The following SULF1 variants were observed in gnomAD, a reference collection of about 807,000 sequenced individuals.
The protein encoded by SULF1 is extracellular sulfatase Sulf-1.
A neutral mutation model predicts 110.5 loss-of-function variants in SULF1; 46 were observed. The observed-to-expected ratio is 0.42, with a 90% CI of 0.33 to 0.53. SULF1 has a LOEUF of 0.53. SULF1 is among the 20% of genes least tolerant of loss of function. SULF1 has a pLI of 0.12. For missense variants in SULF1, 941 were observed against 1,094.2 expected, an observed-to-expected ratio of 0.86 and a Z score of 1.98; for synonymous variants, 371 against 387.1, an observed-to-expected ratio of 0.96 and a Z score of 0.49.
chr8:69,553,587 G>A (rs955984999), intron 3 of SULF1, among the ~76,000 whole-genome samples: 2 of 152,294 alleles, frequency 1.3e-5, no homozygotes, highest in Admixed American at 1.3e-4. Context: ...ACCATAGCGA[G>A]CCAAGGGAAT....
At chr8:69,471,181 A>G (rs1478820657) in intron 1 of SULF1, among the ~76,000 whole-genome samples, 5 of 152,114 alleles carry the variant, frequency 3.3e-5, no homozygotes, top group Admixed American at 1.3e-4. Flanking sequence ...TTTATTTTTT[A>G]TTCTGCTCTA....
intron 6 of SULF1, among the ~76,000 whole-genome samples, chr8:69,584,096 T>A (rs1806276394): frequency 6.6e-6 from 1 of 152,194 alleles, no homozygotes; most frequent in Non-Finnish European, 1.5e-5. Flanking sequence ...TACACTTGAT[T>A]CTGCAGGCAA....
At chr8:69,597,530 G>C (rs908075977) in intron 8 of SULF1, 2 of 152,180 alleles carry the variant, frequency 1.3e-5, no homozygotes, top group African/African-American at 4.8e-5. Context: ...TTTAATATAA[G>C]CCAGATTTAA....
At chr8:69,534,382 G>A (rs187486010) in intron 3 of SULF1, among the ~76,000 whole-genome samples, 5 of 152,258 alleles carry the variant, frequency 3.3e-5, no homozygotes, top group Admixed American at 3.3e-4. Flanking sequence ...TTTTCTGGGT[G>A]AGTTAGTATT....
intron 22 of SULF1, among the ~76,000 whole-genome samples, chr8:69,641,914 C>T (rs1003823396): frequency 5.3e-5 from 8 of 151,990 alleles, no homozygotes; most frequent in African/African-American, 9.7e-5. Context: ...TCCTGATGGC[C>T]GTGTCACTTG....
chr8:69,505,996 G>A (rs935294266), intron 3 of SULF1, among the ~76,000 whole-genome samples: 1 of 151,102 alleles, frequency 6.6e-6, no homozygotes, highest in Non-Finnish European at 1.5e-5. Context: ...TTTAACTATT[G>A]TTGGCCTACA....
upstream of SULF1, among the ~76,000 whole-genome samples, chr8:69,490,794 C>T (rs200517534): frequency 2.3e-5 from 1 of 42,930 alleles, no homozygotes; most frequent in African/African-American, 2.9e-4. Context: ...CATCTGTAAA[C>T]GAAAACAAAA....
Position 69,508,272 on chromosome 8 carries a change from A to G in SULF1, c.-134+6304A>G, listed in dbSNP as rs1326488912. ...AGGCATGCGCCACCACGCCCAGCTA[A>G]TTTTGTATTTTTGGTAGAGACGGGG... On this transcript the variant is annotated intron_variant, in intron 3 of 22. Transcript: ENST00000402687. Among the ~76,000 whole-genome samples, 7 of 152,108 alleles carry G rather than the reference A, an allele frequency of 4.6e-5. No individual in the cohort carries two copies. The South Asian group carries it at 1.0e-3, about 23-fold the overall frequency.
intron 3 of SULF1, among the ~76,000 whole-genome samples, chr8:69,523,188 G>C (rs577738807): frequency 6.6e-6 from 1 of 152,292 alleles, no homozygotes; most frequent in South Asian, 2.1e-4. Flanking sequence ...TTCAGACAGA[G>C]AGAATATGCA....
chr8:69,502,546 A>T (rs1024568499), intron 3 of SULF1, among the ~76,000 whole-genome samples: 5 of 152,118 alleles, frequency 3.3e-5, no homozygotes, highest in African/African-American at 1.2e-4. Flanking sequence ...AGGCTTTTTC[A>T]AATGTCAACT....
chr8:69,537,833 C>T (rs1813528167), intron 3 of SULF1, among the ~76,000 whole-genome samples: 1 of 151,936 alleles, frequency 6.6e-6, no homozygotes, highest in Non-Finnish European at 1.5e-5. Context: ...TCCTCAGAGA[C>T]TGTCTTTTCA....
At chr8:69,467,353 A>G (rs1386162861) in intron 1 of SULF1, among the ~76,000 whole-genome samples, 1 of 152,228 alleles carries the variant, frequency 6.6e-6, no homozygotes, top group Non-Finnish European at 1.5e-5. Context: ...TGAAGGGTCT[A>G]TTACTGAGTT....
chr8:69,616,262 CA>C (rs1809138015), intron 13 of SULF1, among the ~76,000 whole-genome samples: 1 of 150,830 alleles, frequency 6.6e-6, no homozygotes, highest in Non-Finnish European at 1.5e-5. Context: ...CTCTGTCACC[CA>C]GGCTGGAGTG....
At chr8:69,578,761 T>C (rs73683988) in intron 6 of SULF1, among the ~76,000 whole-genome samples, 15,288 of 151,988 alleles carry the variant, frequency 0.1, 1,561 homozygotes, top group African/African-American at 0.27. Context: ...CTAAACCTTT[T>C]CCCCAGGGTT....
At chr8:69,493,851 AAC>A (rs1810128809) in intron 1 of SULF1, among the ~76,000 whole-genome samples, 1 of 152,250 alleles carries the variant, frequency 6.6e-6, no homozygotes. Context: ...GTGCTGAATT[AAC>A]AGAGTACTCT....
chr8:69,582,659 T>G (rs1806155481), intron 6 of SULF1, among the ~76,000 whole-genome samples: 1 of 150,030 alleles, frequency 6.7e-6, no homozygotes, highest in African/African-American at 2.5e-5. Flanking sequence ...GGGTTTATAT[T>G]CTCAATCACT....
Position 69,579,563 on chromosome 8 carries a change from AC to A in SULF1, c.412+3355del, listed in dbSNP as rs1488549769. Among the ~76,000 whole-genome samples, 285 of 137,718 alleles carry A rather than the reference AC, an allele frequency of 2.1e-3. 4 individuals are homozygous for A. The highest frequency in any genetic ancestry group is 7.5e-3 in the African/African-American group (246 of 32,802). The allele number at this position is 137,718 out of a possible 152,430, so 90.3% of individuals were successfully genotyped here. On this transcript the variant is annotated intron_variant, in intron 6 of 22. Transcript: ENST00000402687. Reference sequence around the variant, plus strand: ...GACTCTGTCACACACACACACACACACAAAAAAAAAAAAAAATGGGAAGACT... The same window carrying A: ...GACTCTGTCACACACACACACACACAAAAAAAAAAAAAAAATGGGAAGACT...
intron 3 of SULF1, among the ~76,000 whole-genome samples, chr8:69,550,139 A>G (rs1165175450): frequency 6.6e-6 from 1 of 151,678 alleles, no homozygotes; most frequent in African/African-American, 2.4e-5. Flanking sequence ...TTTAGAGTGT[A>G]AATGCACTTC....
Position 69,659,292 on chromosome 8 carries a change from C to CA in SULF1, c.*758dup. 2.3e-6 allele frequency: 1 copy of CA among 432,454 alleles called. No homozygotes were observed. The highest frequency in any genetic ancestry group is 1.7e-5 in the South Asian group (1 of 59,668). The allele number at this position is 432,454 out of a possible 1,614,324, so 26.8% of individuals were successfully genotyped here. On this transcript the variant is annotated 3_prime_UTR_variant, in exon 23 of 23. Coordinates refer to ENST00000402687, the MANE Select transcript of SULF1 (RefSeq NM_001128205.2). ...AGGAGAAGTCACAGCACCTAGAAGG[C>CA]AGCGCCTCCTCTTCACTCTCCTCTG...
Sources: allele counts gnomAD v4.1 joint callset (sites outside exome capture counted in the v4.1 genomes callset), GRCh38; gene constraint gnomAD v4.1.1; transcripts MANE v1.5; gene names NCBI Gene and HGNC (gene_info 2026-07-23, HGNC 2026-07-21).